ACTR3C: variants seen among roughly 807,000 people sequenced by gnomAD.
The protein encoded by ACTR3C is actin related protein 3C, also known as actin-related protein 3C.
In ACTR3C, 18 loss-of-function variants were observed where a neutral mutation model predicts 26.3. That is an observed-to-expected ratio of 0.68 (90% CI 0.47 to 1.01). The LOEUF (loss-of-function observed/expected upper bound fraction) is 1.01, where lower values mean the gene tolerates loss of function less well. ACTR3C is among the 50% of genes least tolerant of loss of function. The pLI, the probability that ACTR3C is intolerant of heterozygous loss-of-function variation, is 0.00. For missense variants in ACTR3C, 184 were observed against 250.7 expected, an observed-to-expected ratio of 0.73 and a Z score of 1.80; for synonymous variants, 55 against 94.5, an observed-to-expected ratio of 0.58 and a Z score of 2.42.
chr7:150,288,105 G>A (rs1835926788), intron 4 of ACTR3C, among the ~76,000 whole-genome samples: 1 of 142,744 alleles, frequency 7.0e-6, no homozygotes, highest in South Asian at 2.5e-4. Context: ...GAGAAGTCAG[G>A]TGAGAACTAA....
At chr7:150,244,989 A>C (rs1234737098), downstream of ACTR3C, 1 of 152,248 alleles carries the variant, frequency 6.6e-6, no homozygotes, top group East Asian at 1.9e-4. Context: ...CAGATAGTAC[A>C]TGACTTCCCT....
At chr7:150,039,012 A>G in the ACTR3C span, among the ~76,000 whole-genome samples, 4 of 95,786 alleles carry the variant, frequency 4.2e-5, no homozygotes, top group African/African-American at 1.7e-4. Flanking sequence ...GGGGCGGGGA[A>G]GAGGGTCTGG....
the ACTR3C span, among the ~76,000 whole-genome samples, chr7:150,037,422 CTAGGGGA>C: frequency 2.9e-4 from 11 of 38,416 alleles, no homozygotes; most frequent in East Asian, 5.4e-3. Flanking sequence ...AGTGGAGGAA[CTAGGGGA>C]TGGCTCTCAA....
At chr7:150,125,690 T>C in the ACTR3C span, among the ~76,000 whole-genome samples, 1 of 152,222 alleles carries the variant, frequency 6.6e-6, no homozygotes, top group South Asian at 2.1e-4. Flanking sequence ...ACTATGTACC[T>C]AGATTTATGT....
Position 150,286,581 on chromosome 7 carries a change from G to A in ACTR3C, c.298-41C>T, listed in dbSNP as rs141976587. 1,759 of 1,597,178 alleles carry A rather than the reference G, an allele frequency of 1.1e-3. 18 individuals carry two copies. The African/African-American group carries it at 0.02, about 18-fold the overall frequency. ...AAGATGTTGCCAGGCATTAACAACT[G>A]CCCAGTGTCTCTGCCCTCAGACAAA... On this transcript the variant is annotated intron_variant, in intron 4 of 7. Transcript: ENST00000683684.
chr7:150,171,863 G>C, the ACTR3C span, among the ~76,000 whole-genome samples: 1 of 150,652 alleles, frequency 6.6e-6, no homozygotes, highest in Non-Finnish European at 1.5e-5. Context: ...CCAGGCTGCA[G>C]TGCAGTGGCG....
chr7:150,123,027 T>G, the ACTR3C span, among the ~76,000 whole-genome samples: 30 of 146,736 alleles, frequency 2.0e-4, no homozygotes, highest in African/African-American at 7.2e-4. Flanking sequence ...TAGGTGGGAG[T>G]TGAACAATGA....
the ACTR3C span, among the ~76,000 whole-genome samples, chr7:150,223,511 G>A: frequency 1.0e-3 from 152 of 152,012 alleles, 2 homozygotes; most frequent in South Asian, 0.031. Flanking sequence ...TTTAGAAACT[G>A]CCAAATCATT....
the ACTR3C span, among the ~76,000 whole-genome samples, chr7:149,994,204 C>T: frequency 3.3e-5 from 5 of 152,030 alleles, no homozygotes; most frequent in Non-Finnish European, 5.9e-5. Context: ...ACACTCAAGC[C>T]GAGGAGACAA....
At chr7:150,097,251 A>G in the ACTR3C span, among the ~76,000 whole-genome samples, 5 of 151,766 alleles carry the variant, frequency 3.3e-5, no homozygotes, top group Non-Finnish European at 7.4e-5. Context: ...ATGACTATTG[A>G]TTGTGAGCCT....
At chr7:150,181,609 GTT>G in the ACTR3C span, among the ~76,000 whole-genome samples, 1 of 144,874 alleles carries the variant, frequency 6.9e-6, no homozygotes, top group African/African-American at 2.8e-5. Flanking sequence ...AGAAAAAAAA[GTT>G]TATATATATA....
chr7:150,121,027 T>A, the ACTR3C span, among the ~76,000 whole-genome samples: 2 of 152,276 alleles, frequency 1.3e-5, no homozygotes, highest in South Asian at 2.1e-4. Flanking sequence ...TTTGATAAAA[T>A]TCAACACCCC....
intron 4 of ACTR3C, 66 bp from the exon 5 acceptor site, chr7:150,286,606 A>G (rs1454340905): frequency 6.3e-7 from 1 of 1,581,360 alleles, no homozygotes; most frequent in Admixed American, 1.7e-5. Context: ...CCTCAGACAA[A>G]TAACCAGGAA....
intron 6 of ACTR3C, among the ~76,000 whole-genome samples, chr7:150,255,017 C>T (rs1833104354): frequency 6.6e-6 from 1 of 152,008 alleles, no homozygotes; most frequent in Non-Finnish European, 1.5e-5. Flanking sequence ...CCAGGATTTT[C>T]CACAAAAATC....
At chr7:150,108,040 G>A in the ACTR3C span, among the ~76,000 whole-genome samples, 1 of 151,236 alleles carries the variant, frequency 6.6e-6, no homozygotes, top group Non-Finnish European at 1.5e-5. Context: ...ACATCTGATA[G>A]CCTGGAATTG....
the ACTR3C span, among the ~76,000 whole-genome samples, chr7:149,888,290 T>C: frequency 0.72 from 108,849 of 152,108 alleles, 39,135 homozygotes; most frequent in East Asian, 0.89. Context: ...TTTGTGCACA[T>C]TTGCTGGAAC....
the ACTR3C span, among the ~76,000 whole-genome samples, chr7:150,162,888 A>G: frequency 2.0e-5 from 3 of 152,168 alleles, no homozygotes; most frequent in South Asian, 2.1e-4. Context: ...ACTGTGGCTC[A>G]TGCCTGTAAT....
chr7:150,206,373 C>G, the ACTR3C span, among the ~76,000 whole-genome samples: 1 of 152,078 alleles, frequency 6.6e-6, no homozygotes, highest in African/African-American at 2.4e-5. Context: ...TCCTGTGTTT[C>G]AAATAGGAGA....
At chr7:149,960,599 T>C in the ACTR3C span, among the ~76,000 whole-genome samples, 183 of 152,182 alleles carry the variant, frequency 1.2e-3, 1 homozygote, top group Non-Finnish European at 2.1e-3. Flanking sequence ...CTTGGTTCCG[T>C]CATTTTGGAA....
Sources: allele counts gnomAD v4.1 joint callset (sites outside exome capture counted in the v4.1 genomes callset), GRCh38; gene constraint gnomAD v4.1.1; transcripts MANE v1.5; gene names NCBI Gene and HGNC (gene_info 2026-07-23, HGNC 2026-07-21).